Variants in MYO1E observed in about 807,000 individuals in gnomAD.
MYO1E encodes the protein unconventional myosin-Ie.
In MYO1E, 68 loss-of-function variants were observed where a neutral mutation model predicts 151.1. The ratio of observed to expected loss-of-function variants is 0.45; its 90% confidence interval spans 0.37 to 0.55. MYO1E has a LOEUF of 0.55. MYO1E is among the 20% of genes least tolerant of loss of function. MYO1E has a pLI of 0.00. For synonymous variants in MYO1E, 601 were observed against 501.7 expected (o/e 1.20, Z -2.64); for missense variants, 1,363 against 1,389.3 (o/e 0.98, Z 0.30).
At chr15:59,285,991 T>A (rs1167367921) in intron 1 of MYO1E, among the ~76,000 whole-genome samples, 1 of 152,162 alleles carries the variant, frequency 6.6e-6, no homozygotes, top group Non-Finnish European at 1.5e-5. Flanking sequence ...ACAGCCAAGG[T>A]AATGAGGCAG....
chr15:59,163,136 G>A, intron 23 of MYO1E, 21 bp downstream of exon 23: 1 of 1,613,602 alleles, frequency 6.2e-7, no homozygotes, highest in Admixed American at 1.7e-5. Flanking sequence ...GCAGAAGTCT[G>A]GGTCCCAGAT....
chr15:59,221,447 G>C (rs900751433), intron 9 of MYO1E, among the ~76,000 whole-genome samples: 59 of 152,140 alleles, frequency 3.9e-4, no homozygotes, highest in African/African-American at 1.3e-3. Flanking sequence ...ACAAGAGACT[G>C]AGAATCTTGG....
At chr15:59,292,445 C>T (rs561037227) in intron 1 of MYO1E, among the ~76,000 whole-genome samples, 5 of 152,286 alleles carry the variant, frequency 3.3e-5, no homozygotes, top group South Asian at 2.1e-4. Flanking sequence ...ATTTAAAGTG[C>T]GTTACTAGAG....
At chr15:59,330,920 C>T (rs1354203271) in intron 1 of MYO1E, among the ~76,000 whole-genome samples, 2 of 152,154 alleles carry the variant, frequency 1.3e-5, no homozygotes, top group Admixed American at 1.3e-4. Flanking sequence ...CAGGCATGCA[C>T]CATCACGCCC....
intron 16 of MYO1E, 45 bp downstream of exon 16, chr15:59,202,281 G>A (rs187180367): frequency 7.1e-5 from 109 of 1,545,048 alleles, no homozygotes; most frequent in African/African-American, 4.1e-4. Context: ...CCTAGAAAGC[G>A]CTAGCCCTTA....
In MYO1E at chr15:59,339,583, ATTC is replaced by A. The variant is rs536237784; in HGVS notation, c.3+32912_3+32914del. On this transcript the variant is annotated intron_variant, in intron 1 of 27. Coordinates refer to ENST00000288235, the MANE Select transcript of MYO1E (RefSeq NM_004998.4). Reference sequence around the variant, plus strand: ...GGCATGTTAGGCTCCCATCCCAGACATTCTTCATGTTGATTCATCTGTGTTTCT... The same window carrying A: ...GGCATGTTAGGCTCCCATCCCAGACATTCATGTTGATTCATCTGTGTTTCT... Among the ~76,000 whole-genome samples the A allele has an allele frequency of 2.9e-3, 438 of 152,280 alleles. 3 individuals are homozygous for A. Among genetic ancestry groups the A allele is most frequent in the Admixed American group, 4.2e-3 (64 of 15,296 alleles).
chr15:59,237,093 T>C (rs1438950224), intron 4 of MYO1E, among the ~76,000 whole-genome samples: 1 of 152,248 alleles, frequency 6.6e-6, no homozygotes, highest in East Asian at 1.9e-4. Flanking sequence ...CAAAACATGA[T>C]TACAATTTTT....
At chr15:59,265,716 G>C (rs1219285560) in intron 2 of MYO1E, among the ~76,000 whole-genome samples, 4 of 151,278 alleles carry the variant, frequency 2.6e-5, no homozygotes, top group Admixed American at 1.3e-4. Flanking sequence ...CAACACTGTG[G>C]GAGGACAAGT....
intron 1 of MYO1E, among the ~76,000 whole-genome samples, chr15:59,325,027 T>G (rs2080654606): frequency 6.6e-6 from 1 of 151,632 alleles, no homozygotes; most frequent in Non-Finnish European, 1.5e-5. Context: ...TGAATTCAAT[T>G]TCCTTTTCTT....
intron 21 of MYO1E, 115 bp from the exon 22 acceptor site, chr15:59,172,157 G>T (rs1409665468): frequency 1.8e-6 from 2 of 1,129,328 alleles, no homozygotes; most frequent in Non-Finnish European, 2.6e-6. Context: ...AGGAGTTCGA[G>T]ACCAGCCTGA....
intron 12 of MYO1E, among the ~76,000 whole-genome samples, chr15:59,212,334 G>A (rs77844689): frequency 0.1 from 15,669 of 151,858 alleles, 1,173 homozygotes; most frequent in African/African-American, 0.21. Flanking sequence ...AGTAGCTACA[G>A]CAAAACAACC....
intron 18 of MYO1E, among the ~76,000 whole-genome samples, chr15:59,183,591 A>T (rs1194081588): frequency 2.0e-5 from 3 of 152,068 alleles, no homozygotes; most frequent in African/African-American, 7.2e-5. Context: ...TTTGCATGAG[A>T]TGTTTTGATA....
At chr15:59,198,022 C>T (rs74478436) in intron 16 of MYO1E, among the ~76,000 whole-genome samples, 1 of 152,094 alleles carries the variant, frequency 6.6e-6, no homozygotes, top group Non-Finnish European at 1.5e-5. Context: ...CCACCACACC[C>T]AGCTAATTTT....
At chr15:59,229,496 G>A (rs1237170679) in intron 6 of MYO1E, among the ~76,000 whole-genome samples, 1 of 152,070 alleles carries the variant, frequency 6.6e-6, no homozygotes, top group Non-Finnish European at 1.5e-5. Flanking sequence ...ATAGCAGCCT[G>A]GGGGGGATGA....
intron 1 of MYO1E, among the ~76,000 whole-genome samples, chr15:59,310,135 A>G (rs1485062039): frequency 6.6e-6 from 1 of 152,192 alleles, no homozygotes; most frequent in Non-Finnish European, 1.5e-5. Context: ...GTGAGCTGCT[A>G]GTATTACTTA....
intron 4 of MYO1E, among the ~76,000 whole-genome samples, chr15:59,252,385 C>G (rs1259902108): frequency 1.3e-5 from 2 of 152,064 alleles, no homozygotes; most frequent in African/African-American, 2.4e-5. Context: ...GAGTTCAAGA[C>G]CAGCCTGGCT....
intron 19 of MYO1E, among the ~76,000 whole-genome samples, chr15:59,174,953 G>A (rs1031286814): frequency 7.2e-5 from 11 of 152,160 alleles, no homozygotes; most frequent in African/African-American, 1.7e-4. Flanking sequence ...TGACAGCTGC[G>A]CCTCAACCAG....
chr15:59,224,634 C>T (rs1282600641), intron 8 of MYO1E, 55 bp downstream of exon 8: 24 of 1,611,850 alleles, frequency 1.5e-5, no homozygotes, highest in Non-Finnish European at 2.0e-5. Flanking sequence ...CTTTTGGCCA[C>T]AGGAAATGGC....
chr15:59,275,060 T>C (rs749060353), intron 1 of MYO1E, among the ~76,000 whole-genome samples: 2 of 152,174 alleles, frequency 1.3e-5, no homozygotes, highest in East Asian at 3.8e-4. Context: ...TCCCATGCCA[T>C]ATAGGAGGAA....
Sources: gnomAD v4.1 joint callset for allele counts (sites outside exome capture counted in the v4.1 genomes callset) on GRCh38, gnomAD v4.1.1 for gene constraint, MANE v1.5 for transcripts, NCBI Gene and HGNC (gene_info 2026-07-23, HGNC 2026-07-21) for gene names.